Variants in TET2 observed in about 807,000 individuals in gnomAD.
The protein encoded by TET2 is tet methylcytosine dioxygenase 2.
In TET2, 299 loss-of-function variants were observed where a neutral mutation model predicts 142.9. The observed-to-expected ratio is 2.09, with a 90% CI of 1.90 to 2.30. The LOEUF is 2.30. TET2 is among the 30% of genes most tolerant of loss of function. The probability of loss-of-function intolerance (pLI) is 0.00; values close to 1 mark genes in which losing one functional copy is unlikely to be tolerated. For missense variants in TET2, 2,418 were observed against 2,378.0 expected, an observed-to-expected ratio of 1.02 and a Z score of -0.35; for synonymous variants, 819 against 849.0, an observed-to-expected ratio of 0.96 and a Z score of 0.61.
intron 1 of TET2, among the ~76,000 whole-genome samples, chr4:105,183,452 A>AT (rs1029084867): frequency 5.3e-5 from 8 of 151,976 alleles, no homozygotes; most frequent in Admixed American, 3.3e-4. Flanking sequence ...TCCTATATAT[A>AT]TTTTTTATCT....
At chr4:105,226,173 T>A (rs975333410) in intron 2 of TET2, among the ~76,000 whole-genome samples, 12 of 152,160 alleles carry the variant, frequency 7.9e-5, no homozygotes, top group African/African-American at 2.7e-4. Context: ...TGCACTTGTC[T>A]TAGTATTGTG....
intron 3 of TET2, 50 bp downstream of exon 3, chr4:105,237,401 A>C: frequency 1.2e-6 from 2 of 1,614,062 alleles, no homozygotes; most frequent in Admixed American, 1.7e-5. Context: ...CAGAATTAGC[A>C]AATTTATCTT....
chr4:105,246,362 G>A (rs984114804), intron 6 of TET2, among the ~76,000 whole-genome samples: 2 of 152,212 alleles, frequency 1.3e-5, no homozygotes, highest in African/African-American at 4.8e-5. Context: ...CTTGTAGTTT[G>A]TTAGTTTAAC....
At chr4:105,208,426 A>G (rs1726956711) in intron 2 of TET2, among the ~76,000 whole-genome samples, 1 of 152,160 alleles carries the variant, frequency 6.6e-6, no homozygotes, top group African/African-American at 2.4e-5. Flanking sequence ...ATTTTGAGTT[A>G]TCTGAAGGAT....
intron 1 of TET2, among the ~76,000 whole-genome samples, chr4:105,163,297 C>G (rs763603582): frequency 6.6e-6 from 1 of 152,122 alleles, no homozygotes; most frequent in African/African-American, 2.4e-5. Flanking sequence ...GACATTGCCA[C>G]CTGGATTGCC....
chr4:105,162,869 G>A lies in TET2; in HGVS notation c.-193+15890G>A, dbSNP rs569717320. ...GAAGAGCCTATATCTGCAATAATAC[G>A]GGGAGAAAATCCCCTTTTGTGTGAT... is the stretch of plus-strand genomic sequence containing the variant. On this transcript the variant is annotated intron_variant, in intron 1 of 10. Transcript: ENST00000380013. 1.2e-4 allele frequency among the ~76,000 whole-genome samples: 19 copies of A among 152,142 alleles called. No individual in the cohort carries two copies. In the South Asian group the frequency reaches 2.1e-3, roughly 17 times the overall value.
rs533329108 is a variant in TET2 at position 105,215,030 on chromosome 4, G to A, written c.-46-18867G>A. The stretch of plus-strand genomic sequence containing the variant: ...TTGGGAACTGAGCGTTTAATCTACG[G>A]GGTCTGACACTGTCTCCGGGAATTA... On this transcript the variant is annotated intron_variant, in intron 2 of 10. Coordinates refer to ENST00000380013, the MANE Select transcript of TET2 (RefSeq NM_001127208.3). Among the ~76,000 whole-genome samples the A allele has an allele frequency of 2.0e-5, 3 of 152,194 alleles. No homozygotes were observed. The South Asian group carries it at 6.2e-4, about 32-fold the overall frequency.
intron 1 of TET2, among the ~76,000 whole-genome samples, chr4:105,148,861 A>G (rs1317509674): frequency 1.3e-5 from 2 of 152,218 alleles, no homozygotes; most frequent in African/African-American, 2.4e-5. Flanking sequence ...ATATTTCTCC[A>G]TAAGTCGAAT....
chr4:105,153,383 CAG>C (rs766741788), intron 1 of TET2, among the ~76,000 whole-genome samples: 7 of 152,072 alleles, frequency 4.6e-5, no homozygotes, highest in African/African-American at 7.2e-5. Context: ...TTTCTCAAAA[CAG>C]AGAAGTTTAG....
chr4:105,256,285 T>G (rs552430607), intron 6 of TET2, among the ~76,000 whole-genome samples: 1 of 152,302 alleles, frequency 6.6e-6, no homozygotes, highest in South Asian at 2.1e-4. Flanking sequence ...CATTTAGTAT[T>G]TTTTGTAGGA....
intron 1 of TET2, among the ~76,000 whole-genome samples, chr4:105,152,487 C>T (rs918010093): frequency 6.6e-6 from 1 of 151,670 alleles, no homozygotes; most frequent in African/African-American, 2.4e-5. Context: ...TACTGTTGAC[C>T]TCTCAGTCAA....
intron 2 of TET2, among the ~76,000 whole-genome samples, chr4:105,193,943 A>G (rs936625034): frequency 2.0e-5 from 3 of 152,108 alleles, no homozygotes; most frequent in Non-Finnish European, 4.4e-5. Context: ...TAAGTTGGAG[A>G]GACAGAGAAT....
intron 1 of TET2, among the ~76,000 whole-genome samples, chr4:105,161,020 C>T (rs1560714804): frequency 6.6e-6 from 1 of 152,092 alleles, no homozygotes; most frequent in Non-Finnish European, 1.5e-5. Context: ...GTGATCCACT[C>T]GCCTCAGCCT....
rs564617074 is a variant in TET2, at chr4:105,184,630, G to A, written c.-192-5730G>A. 4.6e-5 allele frequency among the ~76,000 whole-genome samples: 7 copies of A among 152,266 alleles called. No individual in the cohort carries two copies. In the South Asian group the frequency reaches 1.5e-3, roughly 32 times the overall value. Reference sequence around the variant, plus strand: ...GTAGTGGTTTTTTAAAGCATTAACAGGAGAATAGCCATCACTGCCAAGTAG... The same window carrying A: ...GTAGTGGTTTTTTAAAGCATTAACAAGAGAATAGCCATCACTGCCAAGTAG... On this transcript the variant is annotated intron_variant, in intron 1 of 10. Coordinates refer to ENST00000380013, the MANE Select transcript of TET2 (RefSeq NM_001127208.3).
Position 105,279,725 on chromosome 4 carries a change from G to A in TET2, c.*3206G>A. 4.4e-6 allele frequency: 1 copy of A among 226,354 alleles called. No individual in the cohort carries two copies. Among genetic ancestry groups the A allele is most frequent in the Non-Finnish European group, 8.8e-6 (1 of 113,958 alleles). 14.0% of individuals were successfully genotyped at this position (226,354 alleles called of 1,614,324 possible). A position where few individuals can be genotyped will look rare whatever the true frequency, so the allele number is the denominator to read the frequency against. On this transcript the variant is annotated 3_prime_UTR_variant, in exon 11 of 11. Transcript: ENST00000380013. ...TGTTATGAATGCAGGTTATTTGAAA[G>A]CTGTTTATTATTATATCATTCCTGA...
intron 6 of TET2, among the ~76,000 whole-genome samples, chr4:105,251,613 A>G (rs151288123): frequency 6.4e-5 from 9 of 140,144 alleles, no homozygotes; most frequent in African/African-American, 2.2e-4. Context: ...TACTTTTTAT[A>G]TATTGCTGGA....
intron 8 of TET2, among the ~76,000 whole-genome samples, chr4:105,267,786 TTAAATA>T (rs1180051529): frequency 6.6e-6 from 1 of 151,732 alleles, no homozygotes; most frequent in Non-Finnish European, 1.5e-5. Flanking sequence ...GAAAACCACT[TTAAATA>T]TAAAGATACA....
intron 1 of TET2, among the ~76,000 whole-genome samples, chr4:105,162,868 C>T (rs886450476): frequency 5.3e-5 from 8 of 151,938 alleles, no homozygotes; most frequent in Admixed American, 6.6e-5. Flanking sequence ...TGCAATAATA[C>T]GGGGAGAAAA....
rs1553918709 is a variant in TET2 at position 105,276,838 on chromosome 4, T to TTCCCCC, written c.*319_*320insTCCCCC. On this transcript the variant is annotated 3_prime_UTR_variant, in exon 11 of 11. Coordinates refer to ENST00000380013, the MANE Select transcript of TET2 (RefSeq NM_001127208.3). ...TGGACGAGATGATATGTAAATGTGA[T>TTCCCCC]CCCCCCCCCCCGCTTACAACTCTAC... is the stretch of plus-strand genomic sequence containing the variant. The TTCCCCC allele has an allele frequency of 4.8e-5, 7 of 144,462 alleles. No individual in the cohort carries two copies. Among genetic ancestry groups the TTCCCCC allele is most frequent in the Admixed American group, 9.5e-5 (1 of 10,528 alleles). 8.9% of individuals were successfully genotyped at this position (144,462 alleles called of 1,614,324 possible).
Sources: gnomAD v4.1 joint callset for allele counts (sites outside exome capture counted in the v4.1 genomes callset) on GRCh38, gnomAD v4.1.1 for gene constraint, MANE v1.5 for transcripts, NCBI Gene and HGNC (gene_info 2026-07-23, HGNC 2026-07-21) for gene names.